The following GSAP variants were observed in gnomAD, a reference collection of about 807,000 sequenced individuals.
GSAP encodes the protein gamma-secretase activating protein.
A neutral mutation model predicts 131.7 loss-of-function variants in GSAP; 118 were observed. That is an observed-to-expected ratio of 0.90 (90% CI 0.77 to 1.04). GSAP has a LOEUF of 1.04. Among genes scored for constraint, GSAP ranks in the 50% least tolerant of loss-of-function variants. The pLI, the probability that GSAP is intolerant of heterozygous loss-of-function variation, is 0.00. For missense variants in GSAP, 1,019 were observed against 1,013.2 expected (o/e 1.01, Z -0.08); for synonymous variants, 381 against 363.4 (o/e 1.05, Z -0.55).
chr7:77,395,682 A>G (rs930181288), intron 5 of GSAP, among the ~76,000 whole-genome samples: 3 of 152,146 alleles, frequency 2.0e-5, no homozygotes, highest in Admixed American at 2.0e-4. Flanking sequence ...GAGGCCCCCA[A>G]GAAGGTCCCT....
At chr7:77,345,391 T>C (rs1201963373) in intron 19 of GSAP, among the ~76,000 whole-genome samples, 3 of 152,186 alleles carry the variant, frequency 2.0e-5, no homozygotes, top group Non-Finnish European at 4.4e-5. Context: ...AAATTTTTGC[T>C]GCCCCAACAC....
chr7:77,325,279 G>C (rs111742218), intron 23 of GSAP, among the ~76,000 whole-genome samples: 33 of 152,008 alleles, frequency 2.2e-4, no homozygotes, highest in African/African-American at 7.5e-4. Flanking sequence ...CCTTACCATA[G>C]AAATTCAAAT....
intron 22 of GSAP, chr7:77,327,345 A>C (rs1401821263): frequency 1.3e-5 from 2 of 152,086 alleles, no homozygotes; most frequent in African/African-American, 4.9e-5. Context: ...CGAAACCCCC[A>C]GCAATGCAAG....
chr7:77,380,372 T>G (rs1162633898), intron 8 of GSAP, among the ~76,000 whole-genome samples: 1 of 152,226 alleles, frequency 6.6e-6, no homozygotes, highest in Non-Finnish European at 1.5e-5. Flanking sequence ...ATTAAATGCA[T>G]GTACCCATCG....
intron 18 of GSAP, chr7:77,351,166 C>T: frequency 7.1e-6 from 7 of 981,190 alleles, no homozygotes; most frequent in Non-Finnish European, 8.5e-6. Flanking sequence ...TTCAATGTGA[C>T]AGTTGAAAGC....
Position 77,346,200 on chromosome 7 carries a change from G to A in GSAP, c.1545+3151C>T, listed in dbSNP as rs138296223. On this transcript the variant is annotated intron_variant, in intron 19 of 30. Coordinates refer to ENST00000257626, the MANE Select transcript of GSAP (RefSeq NM_017439.4). Reference sequence around the variant, plus strand: ...CAGGAGAATCGCTTGAACCCAGGAGGCAGAGGCTGCAGTGAGCCGAGATCA... The same window carrying A: ...CAGGAGAATCGCTTGAACCCAGGAGACAGAGGCTGCAGTGAGCCGAGATCA... Among the ~76,000 whole-genome samples the A allele has an allele frequency of 6.7e-3, 951 of 142,600 alleles. 13 individuals carry two copies. The highest frequency in any genetic ancestry group is 0.023 in the African/African-American group (876 of 37,512). 93.6% of individuals were successfully genotyped at this position (142,600 alleles called of 152,430 possible). A position where few individuals can be genotyped will look rare whatever the true frequency, so the allele number is the denominator to read the frequency against.
At chr7:77,414,451 G>A (rs1583990659) in intron 1 of GSAP, among the ~76,000 whole-genome samples, 1 of 152,156 alleles carries the variant, frequency 6.6e-6, no homozygotes, top group African/African-American at 2.4e-5. Context: ...GTATAACAGG[G>A]CTAATATCTT....
rs114357048 is a variant in GSAP, at chr7:77,329,424, G to T, written c.1675-33C>A. 2.3e-3 allele frequency: 2,983 copies of T among 1,309,858 alleles called. 66 individuals carry two copies. The African/African-American group carries it at 0.04, about 17-fold the overall frequency. 81.1% of individuals were successfully genotyped at this position (1,309,858 alleles called of 1,614,324 possible). ...TGAGAACACGTCAGAAATGTGGAAG[G>T]TAAAGGTTTTATCGGTGACTTTTCA... On this transcript the variant is annotated intron_variant, in intron 20 of 30. Coordinates refer to ENST00000257626, the MANE Select transcript of GSAP (RefSeq NM_017439.4).
Position 77,355,371 on chromosome 7 carries a change from G to C in GSAP, c.1180C>G (p.Leu394Val). ...HCPLQSLSGS[L>V]VLDCCSGKLY... ...TTTCCAGAACAACAATCCAATACCA[G>C]GGACCCTGACAATGACTGTAAAGGG... is the stretch of plus-strand genomic sequence containing the variant. Residue 394 changes from leucine to valine, a missense_variant, in exon 16 of 31, where the codon CTG (leucine) becomes GTG (valine). Coordinates refer to ENST00000257626, the MANE Select transcript of GSAP (RefSeq NM_017439.4). 1 of 1,613,140 alleles carries C rather than the reference G, an allele frequency of 6.2e-7. No homozygotes were observed. The highest frequency in any genetic ancestry group is 1.7e-5 in the Admixed American group (1 of 59,966).
intron 12 of GSAP, among the ~76,000 whole-genome samples, chr7:77,371,432 T>C (rs1584546967): frequency 9.2e-4 from 1 of 1,090 alleles, no homozygotes; most frequent in South Asian, 0.028. Flanking sequence ...ATCTTTTTTC[T>C]TTTTTTTTTT....
intron 5 of GSAP, among the ~76,000 whole-genome samples, chr7:77,392,060 A>G (rs755453563): frequency 1.2e-4 from 18 of 151,656 alleles, no homozygotes; most frequent in Non-Finnish European, 2.1e-4. Flanking sequence ...CCCCGTCTCT[A>G]CTAAAAATAC....
chr7:77,380,549 C>T (rs1440535920), intron 8 of GSAP, among the ~76,000 whole-genome samples: 1 of 152,162 alleles, frequency 6.6e-6, no homozygotes, highest in East Asian at 1.9e-4. Context: ...TCTAAAGAGA[C>T]TGAATTGGAG....
chr7:77,371,162 A>C (rs1373627607), intron 12 of GSAP, among the ~76,000 whole-genome samples: 1 of 152,100 alleles, frequency 6.6e-6, no homozygotes, highest in African/African-American at 2.4e-5. Context: ...AAAACTCACA[A>C]TCTTCCTAAG....
chr7:77,387,013 G>T (rs200978641), intron 6 of GSAP, among the ~76,000 whole-genome samples: 1 of 152,294 alleles, frequency 6.6e-6, no homozygotes, highest in East Asian at 1.9e-4. Context: ...TCATGAAGTT[G>T]ATAAATTCAG....
At chr7:77,389,031 C>T (rs1415015190) in intron 5 of GSAP, among the ~76,000 whole-genome samples, 1 of 151,802 alleles carries the variant, frequency 6.6e-6, no homozygotes, top group Non-Finnish European at 1.5e-5. Context: ...CTTGATGACT[C>T]AAAAAATGGC....
chr7:77,352,959 C>T lies in GSAP; in HGVS notation c.1476G>A (p.Val492=). ...GTTAACTTACTGTATTCCAAGTGAG[C>T]ACTGAGGAATGTGGCAATAGTTTGT... ...NMDKLLPHSS[V]LTWNTEIPGI... The change falls in exon 18 of 31, where the codon GTG becomes GTA. Residue 492 remains valine (V), a synonymous_variant. Transcript: ENST00000257626. 6.3e-7 allele frequency: 1 copy of T among 1,583,126 alleles called. No individual in the cohort carries two copies. Among genetic ancestry groups the T allele is most frequent in the Non-Finnish European group, 8.7e-7 (1 of 1,151,924 alleles).
chr7:77,336,638 G>A (rs1790020453), intron 19 of GSAP, among the ~76,000 whole-genome samples: 1 of 152,058 alleles, frequency 6.6e-6, no homozygotes, highest in Non-Finnish European at 1.5e-5. Flanking sequence ...ACAGGCGCCT[G>A]CCACCATGCC....
intron 16 of GSAP, 102 bp downstream of exon 16, chr7:77,355,111 A>G (rs1283516992): frequency 1.7e-5 from 13 of 747,512 alleles, no homozygotes; most frequent in Non-Finnish European, 2.9e-5. Context: ...ACCTCAATTA[A>G]TTGTTACTAA....
rs117692331 is a variant in GSAP at position 77,384,275 on chromosome 7, A to G, written c.457-1632T>C. On this transcript the variant is annotated intron_variant, in intron 6 of 30. Transcript: ENST00000257626. ...TGTGACATGGACTGAGGTGCTGAAG[A>G]GGTGTAACTGCCAACCTCTAAACCT... Among the ~76,000 whole-genome samples the G allele has an allele frequency of 3.1e-3, 474 of 152,322 alleles. 1 individual carries two copies. Among genetic ancestry groups the G allele is most frequent in the Non-Finnish European group, 5.4e-3 (367 of 68,024 alleles).
Sources: gnomAD v4.1 joint callset for allele counts (sites outside exome capture counted in the v4.1 genomes callset) on GRCh38, gnomAD v4.1.1 for gene constraint, MANE v1.5 for transcripts, NCBI Gene and HGNC (gene_info 2026-07-23, HGNC 2026-07-21) for gene names.